FBF1: variants seen among roughly 807,000 people sequenced by gnomAD.
The protein encoded by FBF1 is Fas binding factor 1, also known as fas-binding factor 1.
FBF1 carries 119 observed loss-of-function variants against 147.2 expected under a neutral mutation model. The ratio of observed to expected loss-of-function variants is 0.81; its 90% CI spans 0.70 to 0.94. FBF1 has a LOEUF of 0.94. FBF1 is among the 40% of genes least tolerant of loss of function. The pLI is 0.00. For synonymous variants in FBF1, 601 were observed against 609.0 expected (o/e 0.99, Z 0.19); for missense variants, 1,449 against 1,500.8 (o/e 0.97, Z 0.57).
intron 2 of FBF1, 197 bp downstream of exon 2, chr17:75,937,950 G>A (rs2065635010): frequency 1.3e-6 from 1 of 746,798 alleles, no homozygotes; most frequent in South Asian, 1.7e-5. Flanking sequence ...GCTTCCAGCT[G>A]GACACTCAGA....
In FBF1 at chr17:75,923,270, G is replaced by A; in HGVS notation, c.1340C>T (p.Ser447Phe). The A allele has an allele frequency of 6.3e-7, 1 of 1,590,048 alleles. No individual in the cohort carries two copies. Reference protein sequence around the residue: ...WLSHALSRKKSQGLAREQHAG... With the variant: ...WLSHALSRKKFQGLAREQHAG... ...ATGCTGCTCTCTGGCCAGGCCTTGGGACTTCTTCCGAGACAGGGCATGGCT... is the reference window on the plus strand; with the variant it reads ...ATGCTGCTCTCTGGCCAGGCCTTGGAACTTCTTCCGAGACAGGGCATGGCT... Residue 447 changes from serine to phenylalanine, a missense_variant, in exon 14 of 30, where the codon TCC becomes TTC. Physicochemically the swap from Ser to Phe is radical, Grantham distance 155 (BLOSUM62 -2). Transcript: ENST00000636174. The surrounding 1 kb of genome is among the most constrained non-coding windows in gnomAD (Gnocchi z 4.1).
rs541933850 is a variant in FBF1, at chr17:75,925,664, G to A, written c.869-218C>T. 6.6e-5 allele frequency among the ~76,000 whole-genome samples: 10 copies of A among 152,308 alleles called. No individual in the cohort carries two copies. In the East Asian group the frequency reaches 1.9e-3, roughly 29 times the overall value. On this transcript the variant is annotated intron_variant, in intron 12 of 29. Coordinates refer to ENST00000636174, the MANE Select transcript of FBF1 (RefSeq NM_001319193.2). This position sits in a 1 kb window ranked among gnomAD's most constrained non-coding sequence, Gnocchi z 5.0. ...AGGATCCCTCGAGGTCAGGTCCAGC[G>A]AGCGGCATGTGTCACAAGAATGATT...
intron 7 of FBF1, 52 bp downstream of exon 7, chr17:75,929,945 A>AGGGGGGCCCCCCCCCCCCCCCCC: frequency 1.5e-6 from 1 of 650,902 alleles, no homozygotes. Context: ...AAATATCATG[A>AGGGGGGCCCCCCCCCCCCCCCCC]CCCCACCCCA....
At position 75,914,048 on chromosome 17, in the gene FBF1, C is replaced by G; in HGVS notation, c.2994G>C (p.Val998=). The G allele has an allele frequency of 6.3e-7, 1 of 1,591,226 alleles. No individual in the cohort carries two copies. Among genetic ancestry groups the G allele is most frequent in the Non-Finnish European group, 8.5e-7 (1 of 1,175,524 alleles). The part of the protein sequence containing the change: ...RAEEVESMSK[V]ASEKYEEGER... ...CCCCCTCCTCGTACTTCTCGGAGGC[C>G]ACCTGCAGGGAGGCCGCCTGGGTCA... Residue 998 remains valine (V), a splice_region_variant and synonymous_variant, in exon 27 of 30, where the codon GTG becomes GTC. Transcript: ENST00000636174.
chr17:75,936,483 C>G (rs187155362), intron 3 of FBF1, among the ~76,000 whole-genome samples: 2 of 151,902 alleles, frequency 1.3e-5, no homozygotes, highest in Non-Finnish European at 2.9e-5. Flanking sequence ...CAGAGCAAGA[C>G]GCCGTCTCAA....
At chr17:75,916,550 G>A (rs1273400681) in intron 23 of FBF1, among the ~76,000 whole-genome samples, 7 of 151,570 alleles carry the variant, frequency 4.6e-5, no homozygotes, top group Admixed American at 3.9e-4. Context: ...AGCCAAGGAG[G>A]TCAGGCTGCA....
At chr17:75,932,240 G>A (rs1387236746) in intron 5 of FBF1, among the ~76,000 whole-genome samples, 2 of 152,134 alleles carry the variant, frequency 1.3e-5, no homozygotes, top group Non-Finnish European at 2.9e-5. Flanking sequence ...AGCCAGACGT[G>A]GTGGTGTGTG....
Position 75,914,163 on chromosome 17 carries a change from G to A in FBF1, c.2950C>T (p.Arg984Cys), listed in dbSNP as rs200283832. ...EKERINATAL[R>C]VKLRAEEVES... ...ACCTCCTCGGCGCGGAGCTTGACACGCAGGGCGGTGGCGTTGATCCTCTCC... is the reference window on the plus strand; with the variant it reads ...ACCTCCTCGGCGCGGAGCTTGACACACAGGGCGGTGGCGTTGATCCTCTCC... Residue 984 changes from arginine (R) to cysteine (C), a missense_variant, in exon 26 of 30, where the codon CGT becomes TGT. Physicochemically the swap from Arg to Cys is radical, Grantham distance 180. Coordinates refer to ENST00000636174, the MANE Select transcript of FBF1 (RefSeq NM_001319193.2). 15 of 1,600,246 alleles carry A rather than the reference G, an allele frequency of 9.4e-6. No individual in the cohort carries two copies. Among genetic ancestry groups the A allele is most frequent in the African/African-American group, 1.3e-5 (1 of 74,868 alleles).
chr17:75,917,970 G>A lies in FBF1; in HGVS notation c.2347C>T (p.Arg783Trp), dbSNP rs1352857884. The change falls in exon 22 of 30, where the codon CGG becomes TGG. Residue 783 changes from arginine to tryptophan, a missense_variant. By Grantham distance (101) the Arg-to-Trp change is moderately radical (BLOSUM62 -3). Coordinates refer to ENST00000636174, the MANE Select transcript of FBF1 (RefSeq NM_001319193.2). The stretch of plus-strand genomic sequence containing the variant: ...TCACGCTGCCGGATCCCCAGCTCCC[G>A]CTCCTGGGAGGTGGTGAGGTGCGAG... The part of the protein sequence containing the change: ...EASHLTTSQE[R>W]ELGIRQRDEQ... The A allele has an allele frequency of 3.7e-6, 6 of 1,608,402 alleles. No homozygotes were observed. Among genetic ancestry groups the A allele is most frequent in the African/African-American group, 1.3e-5 (1 of 74,856 alleles).
At position 75,925,385 on chromosome 17, in the gene FBF1, G is replaced by A. The variant is rs765713654; in HGVS notation, c.930C>T (p.Val310=). Residue 310 remains valine (V), a synonymous_variant, in exon 13 of 30, where the codon GTC becomes GTT. Coordinates refer to ENST00000636174, the MANE Select transcript of FBF1 (RefSeq NM_001319193.2). The surrounding 1 kb of genome is among the most constrained non-coding windows in gnomAD (Gnocchi z 5.0). ...GGCGGGACTGCCGGCCCTCAGAGGAGACCACAGTGGGCTGATAGGCTCCAA... is the reference window on the plus strand; with the variant it reads ...GGCGGGACTGCCGGCCCTCAGAGGAAACCACAGTGGGCTGATAGGCTCCAA... The part of the protein sequence containing the change: ...FTFGAYQPTV[V]SSEGRQSRRQ... 20 of 1,613,472 alleles carry A rather than the reference G, an allele frequency of 1.2e-5. No individual in the cohort carries two copies. The highest frequency in any genetic ancestry group is 1.7e-5 in the Non-Finnish European group (20 of 1,179,814).
intron 9 of FBF1, among the ~76,000 whole-genome samples, 173 bp from the exon 10 acceptor site, chr17:75,927,050 G>A (rs947146389): frequency 2.6e-5 from 4 of 152,226 alleles, no homozygotes; most frequent in African/African-American, 9.6e-5. Flanking sequence ...CAAAAAGACA[G>A]GCCGGGCAAG....
Position 75,913,704 on chromosome 17 carries a change from C to T in FBF1, c.3245G>A (p.Ser1082Asn), listed in dbSNP as rs988268302. 24 of 1,592,638 alleles carry T rather than the reference C, an allele frequency of 1.5e-5. No homozygotes were observed. In the Admixed American group the frequency reaches 3.9e-4, roughly 26 times the overall value. ...RAQGPAASSQ[S>N]ALMPPAPTTR... ...CCCTTCCTTCTGGAGCCACTCACCA[C>T]TCTGGCTGGAGGCTGCAGGGCCCTG... is the stretch of plus-strand genomic sequence containing the variant. Residue 1082 changes from serine to asparagine, a missense_variant and splice_region_variant, in exon 28 of 30, where the codon AGT becomes AAT. Physicochemically the swap from Ser to Asn is conservative, Grantham distance 46 (BLOSUM62 1). Transcript: ENST00000636174.
chr17:75,914,389 C>T, intron 25 of FBF1, 91 bp from the exon 26 acceptor site: 1 of 1,471,710 alleles, frequency 6.8e-7, no homozygotes, highest in South Asian at 1.3e-5. Context: ...CCCACCCTGC[C>T]CCTGGGAGGA....
In FBF1 at chr17:75,935,653, C is replaced by G. The variant is rs2065619939; in HGVS notation, c.52G>C (p.Gly18Arg). ...GCKGSIDDFL[G>R]DLLGDDMTLP... Reference sequence around the variant, plus strand: ...TTACTATCATCCCCTAGAAGGTCACCAAGAAAATCATCAATGGAGCCTGGA... The same window carrying G: ...TTACTATCATCCCCTAGAAGGTCACGAAGAAAATCATCAATGGAGCCTGGA... The change falls in exon 4 of 30, where the codon GGT becomes CGT. Residue 18 changes from glycine to arginine, a missense_variant. Gly to Arg is a moderately radical substitution (Grantham distance 125, BLOSUM62 -2). Coordinates refer to ENST00000636174, the MANE Select transcript of FBF1 (RefSeq NM_001319193.2). 1 of 1,536,928 alleles carries G rather than the reference C, an allele frequency of 6.5e-7. No individual in the cohort carries two copies. The highest frequency in any genetic ancestry group is 8.7e-7 in the Non-Finnish European group (1 of 1,146,816).
rs73354099 is a variant in FBF1 at position 75,933,113 on chromosome 17, G to A, written c.74-25C>T. ...ACTGGAAAAAAAGAAAAGAGAAAACGTGTCATTTAACTAAAGGTACCTGGA... is the reference window on the plus strand; with the variant it reads ...ACTGGAAAAAAAGAAAAGAGAAAACATGTCATTTAACTAAAGGTACCTGGA... On this transcript the variant is annotated intron_variant, in intron 4 of 29. Transcript: ENST00000636174. 3,138 of 1,563,372 alleles carry A rather than the reference G, an allele frequency of 2.0e-3. 41 individuals carry two copies. The African/African-American group carries it at 0.036, about 18-fold the overall frequency.
rs561421252 is a variant in FBF1 at position 75,922,962 on chromosome 17, C to G, written c.1424+224G>C. On this transcript the variant is annotated intron_variant, in intron 14 of 29. Coordinates refer to ENST00000636174, the MANE Select transcript of FBF1 (RefSeq NM_001319193.2). The surrounding 1 kb of genome is among the most constrained non-coding windows in gnomAD (Gnocchi z 5.0). ...GCGGTCAGGGCATGAATGTCAACAG[C>G]CCTCCTTCTTGGGTATGTCCCTGGG... is the stretch of plus-strand genomic sequence containing the variant. Among the ~76,000 whole-genome samples the G allele has an allele frequency of 2.4e-4, 36 of 152,364 alleles. No individual in the cohort carries two copies. The South Asian group carries it at 6.2e-3, about 26-fold the overall frequency.
rs188805535 is a variant in FBF1 at position 75,937,901 on chromosome 17, C to T, written c.3+246G>A. 12 of 629,338 alleles carry T rather than the reference C, an allele frequency of 1.9e-5. No homozygotes were observed. In the East Asian group the frequency reaches 3.0e-4, roughly 16 times the overall value. The allele number at this position is 629,338 out of a possible 1,614,324, so 39.0% of individuals were successfully genotyped here. A position where few individuals can be genotyped will look rare whatever the true frequency, so the allele number is the denominator to read the frequency against. On this transcript the variant is annotated intron_variant, in intron 2 of 29. Transcript: ENST00000636174. ...GACCGGAAATGTCTTCTATTCCGTGCCCCTGACTCCTCAATACCAGTGACA... is the reference window on the plus strand; with the variant it reads ...GACCGGAAATGTCTTCTATTCCGTGTCCCTGACTCCTCAATACCAGTGACA...
intron 25 of FBF1, 132 bp downstream of exon 25, chr17:75,914,615 A>T: frequency 1.0e-6 from 1 of 958,186 alleles, no homozygotes; most frequent in Non-Finnish European, 1.5e-6. Flanking sequence ...TGATGCGATT[A>T]CTGTTTTAAT....
chr17:75,918,202 G>A lies in FBF1; in HGVS notation c.2206C>T (p.Arg736Ter), dbSNP rs757339144. Residue 736 changes from arginine (R) to a stop codon, truncating the protein, a stop_gained, in exon 21 of 30, where the codon CGA (arginine) becomes TGA (stop). Transcript: ENST00000636174. LOFTEE classifies it high-confidence loss of function. The surrounding 1 kb of genome is among the most constrained non-coding windows in gnomAD (Gnocchi z 5.8). The stretch of plus-strand genomic sequence containing the variant: ...GCACTGGTGGCCGCATCGACCTCTC[G>A]GTCCTTCAGCAGCTTTAGCCGCTGC... ...QLQRLKLLKD[R>*]EVDAATSATS... 2.5e-6 allele frequency: 4 copies of A among 1,613,206 alleles called. No individual in the cohort carries two copies. Among genetic ancestry groups the A allele is most frequent in the Admixed American group, 3.3e-5 (2 of 59,964 alleles).
Sources: gnomAD v4.1 joint callset for allele counts (sites outside exome capture counted in the v4.1 genomes callset) on GRCh38, gnomAD v4.1.1 for gene constraint, Gnocchi (gnomAD v3.1) non-coding constraint, MANE v1.5 for transcripts, NCBI Gene and HGNC (gene_info 2026-07-23, HGNC 2026-07-21) for gene names.